Variants in NRG3 observed in about 807,000 individuals in gnomAD.
NRG3 encodes the protein pro-neuregulin-3, membrane-bound isoform.
NRG3 carries 31 observed loss-of-function variants against 66.9 expected under a neutral mutation model. That is an observed-to-expected ratio of 0.46 (90% CI 0.35 to 0.63). NRG3 has a LOEUF of 0.63. NRG3 is among the 20% of genes least tolerant of loss of function. The pLI is 0.00. For synonymous variants in NRG3, 393 were observed against 359.4 expected, an observed-to-expected ratio of 1.09 and a Z score of -1.06; for missense variants, 910 against 878.9, an observed-to-expected ratio of 1.04 and a Z score of -0.45.
At chr10:82,972,210 GCTGT>G (rs1364826716) in intron 6 of NRG3, among the ~76,000 whole-genome samples, 3 of 151,880 alleles carry the variant, frequency 2.0e-5, no homozygotes, top group East Asian at 1.9e-4. Context: ...ATATTCTAGT[GCTGT>G]CTAATTTCTA....
rs188638827 is a variant in NRG3 at position 81,964,727 on chromosome 10, G to C, written c.823+88564G>C. ...ACAGAGAGTCAACCCCCTACCACAC[G>C]GCCTCATCAATGATGGCTTTTTTTA... On this transcript the variant is annotated intron_variant, in intron 1 of 8. Coordinates refer to ENST00000372141, the MANE Select transcript of NRG3 (RefSeq NM_001010848.4). Among the ~76,000 whole-genome samples, 662 of 152,102 alleles carry C rather than the reference G, an allele frequency of 4.4e-3. 3 individuals carry two copies. Among genetic ancestry groups the C allele is most frequent in the African/African-American group, 0.015 (625 of 41,480 alleles).
chr10:82,640,622 T>G (rs1424801054), intron 2 of NRG3, among the ~76,000 whole-genome samples: 1 of 152,152 alleles, frequency 6.6e-6, no homozygotes, highest in Non-Finnish European at 1.5e-5. Flanking sequence ...GATGGATGTA[T>G]TAAGTATTAA....
intron 2 of NRG3, among the ~76,000 whole-genome samples, chr10:82,506,302 C>T (rs891295558): frequency 5.3e-5 from 8 of 152,152 alleles, no homozygotes; most frequent in African/African-American, 1.9e-4. Flanking sequence ...GCAAGCTGTC[C>T]CAGTGCTGCC....
At position 81,875,889 on chromosome 10, in the gene NRG3, A is replaced by G. The variant is rs752646741; in HGVS notation, c.549A>G (p.Thr183=). ...VPIRASPRST[T]ARNTAAPATV... ...TCCGGGCCAGCCCGCGCTCCACCAC[A>G]GCACGGAACACTGCGGCCCCTGCGA... Residue 183 remains threonine (T), a synonymous_variant, in exon 1 of 9, where the codon ACA becomes ACG. Coordinates refer to ENST00000372141, the MANE Select transcript of NRG3 (RefSeq NM_001010848.4). The surrounding 1 kb of genome is among the most constrained non-coding windows in gnomAD (Gnocchi z 5.3). 1.2e-6 allele frequency: 2 copies of G among 1,612,096 alleles called. No individual in the cohort carries two copies. The highest frequency in any genetic ancestry group is 1.7e-6 in the Non-Finnish European group (2 of 1,179,876).
At chr10:82,520,979 A>AAAT (rs145178333) in intron 2 of NRG3, among the ~76,000 whole-genome samples, 7 of 152,174 alleles carry the variant, frequency 4.6e-5, no homozygotes, top group African/African-American at 1.4e-4. Context: ...TTTCAGATAA[A>AAAT]AAATAATTTT....
chr10:82,215,770 A>G (rs372213205), intron 1 of NRG3, among the ~76,000 whole-genome samples: 115 of 152,156 alleles, frequency 7.6e-4, no homozygotes, highest in Middle Eastern at 3.4e-3. Flanking sequence ...CTGATATTCT[A>G]TGGGCTTCAC....
intron 1 of NRG3, chr10:81,877,943 G>C: frequency 6.5e-7 from 1 of 1,537,534 alleles, no homozygotes. Flanking sequence ...CTGCTCTTTT[G>C]ATGCAGTTGA....
At chr10:82,696,629 G>T (rs569317944) in intron 2 of NRG3, among the ~76,000 whole-genome samples, 26 of 152,160 alleles carry the variant, frequency 1.7e-4, no homozygotes, top group African/African-American at 6.3e-4. Flanking sequence ...CAAGAGTGTT[G>T]CAGGGTGCTG....
chr10:82,139,518 A>C (rs2132620963), intron 1 of NRG3, among the ~76,000 whole-genome samples: 1 of 152,284 alleles, frequency 6.6e-6, no homozygotes, highest in South Asian at 2.1e-4. Context: ...ACTAGATACA[A>C]GTAGCCCGTT....
At chr10:82,581,314 T>G (rs1386344417) in intron 2 of NRG3, among the ~76,000 whole-genome samples, 5 of 152,092 alleles carry the variant, frequency 3.3e-5, no homozygotes, top group African/African-American at 1.2e-4. Context: ...AAAAAATTCC[T>G]TATATATTTT....
chr10:82,877,567 T>G (rs1343490112), intron 4 of NRG3, among the ~76,000 whole-genome samples: 3 of 142,268 alleles, frequency 2.1e-5, no homozygotes, highest in African/African-American at 5.2e-5. Context: ...TTTTGGATTT[T>G]TAGTGGAGAC....
At chr10:82,977,119 G>A (rs566619706) in intron 7 of NRG3, among the ~76,000 whole-genome samples, 7 of 152,194 alleles carry the variant, frequency 4.6e-5, no homozygotes, top group African/African-American at 1.7e-4. Context: ...GCAGACCTGA[G>A]ACTTATACTC....
intron 2 of NRG3, among the ~76,000 whole-genome samples, chr10:82,490,779 A>G (rs560071136): frequency 1.3e-5 from 2 of 152,206 alleles, no homozygotes; most frequent in South Asian, 4.2e-4. Flanking sequence ...TCATCTCAAG[A>G]ATCTGCATCT....
intron 2 of NRG3, among the ~76,000 whole-genome samples, chr10:82,568,950 A>G (rs1411128637): frequency 6.6e-6 from 1 of 151,738 alleles, no homozygotes; most frequent in Non-Finnish European, 1.5e-5. Context: ...TTAGTGCTTT[A>G]ACTGAATCTC....
At chr10:82,820,205 G>A (rs911226550) in intron 3 of NRG3, among the ~76,000 whole-genome samples, 3 of 152,292 alleles carry the variant, frequency 2.0e-5, no homozygotes, top group Non-Finnish European at 2.9e-5. Context: ...AGATCTATCA[G>A]TTATACTTTG....
intron 3 of NRG3, among the ~76,000 whole-genome samples, chr10:82,750,255 A>G (rs61863590): frequency 2.6e-5 from 4 of 152,206 alleles, no homozygotes; most frequent in Non-Finnish European, 5.9e-5. Flanking sequence ...AGCTATTTTC[A>G]TAGAATATGA....
intron 1 of NRG3, among the ~76,000 whole-genome samples, chr10:82,149,304 A>C (rs1373178650): frequency 6.6e-6 from 1 of 152,180 alleles, no homozygotes; most frequent in Non-Finnish European, 1.5e-5. Context: ...ATTCCTAATT[A>C]GGGAGCTACC....
chr10:82,249,207 T>C (rs1051769418), intron 1 of NRG3, among the ~76,000 whole-genome samples: 2 of 152,258 alleles, frequency 1.3e-5, no homozygotes, highest in African/African-American at 4.8e-5. Context: ...TATAAACTCC[T>C]TGGGGAAGAG....
chr10:82,109,127 G>A (rs1346956889), intron 1 of NRG3, among the ~76,000 whole-genome samples: 5 of 152,110 alleles, frequency 3.3e-5, no homozygotes, highest in Non-Finnish European at 5.9e-5. Flanking sequence ...TATACTAGTC[G>A]CTAATGTCAG....
Sources: allele counts gnomAD v4.1 joint callset (sites outside exome capture counted in the v4.1 genomes callset), GRCh38; gene constraint gnomAD v4.1.1; non-coding constraint Gnocchi (gnomAD v3.1); transcripts MANE v1.5; gene names NCBI Gene and HGNC (gene_info 2026-07-23, HGNC 2026-07-21).